Variants in ZSCAN5B observed in about 807,000 individuals in gnomAD.
The protein encoded by ZSCAN5B is zinc finger and SCAN domain-containing protein 5B.
ZSCAN5B carries 26 observed loss-of-function variants against 25.2 expected under a neutral mutation model. That is an observed-to-expected ratio of 1.03 (90% confidence interval 0.76 to 1.43). The LOEUF is 1.43. Ranked by LOEUF, ZSCAN5B falls within the 40% of genes most tolerant of loss-of-function variation. The pLI, the probability that ZSCAN5B is intolerant of heterozygous loss-of-function variation, is 0.00. For missense variants in ZSCAN5B, 745 were observed against 622.1 expected (o/e 1.20, Z -2.10); for synonymous variants, 244 against 240.9 (o/e 1.01, Z -0.12).
intron 1 of ZSCAN5B, 29 bp from the exon 2 acceptor site, chr19:56,193,208 T>A (rs981406563): frequency 9.8e-6 from 9 of 914,990 alleles, no homozygotes; most frequent in Middle Eastern, 3.4e-4. Context: ...AGCCCGATTA[T>A]TTTAACTTTC....
At chr19:56,196,190 T>C (rs2032807379) in intron 1 of ZSCAN5B, among the ~76,000 whole-genome samples, 1 of 152,062 alleles carries the variant, frequency 6.6e-6, no homozygotes, top group Non-Finnish European at 1.5e-5. Flanking sequence ...TAGCTGGGAT[T>C]ATAGGCGTGA....
chr19:56,194,538 G>A (rs369780541), intron 1 of ZSCAN5B, among the ~76,000 whole-genome samples: 15 of 152,016 alleles, frequency 9.9e-5, no homozygotes, highest in African/African-American at 3.6e-4. Context: ...CAAGCGATGC[G>A]CTTGCTTTGG....
chr19:56,191,020 G>A (rs369380934), intron 3 of ZSCAN5B, 33 bp from the exon 4 acceptor site: 64 of 1,613,740 alleles, frequency 4.0e-5, no homozygotes, highest in South Asian at 2.6e-4. Context: ...AATGACTGCC[G>A]TGTCTATACT....
chr19:56,191,879 G>T, exon 3 of ZSCAN5B: 1 of 1,613,612 alleles, frequency 6.2e-7, no homozygotes, highest in Non-Finnish European at 8.5e-7. Flanking sequence ...GCGACCCTGG[G>T]CAGGATCTGC....
At chr19:56,197,741 C>T (rs1289662910) in exon 1 of ZSCAN5B, 1 of 985,370 alleles carries the variant, frequency 1.0e-6, no homozygotes, top group Non-Finnish European at 1.2e-6. Flanking sequence ...CACCTCCTTC[C>T]CGGCTTCTGC....
At chr19:56,193,077 G>C in exon 2 of ZSCAN5B, 2 of 1,513,148 alleles carry the variant, frequency 1.3e-6, no homozygotes, top group African/African-American at 1.4e-5. Flanking sequence ...ATTTCAATCA[G>C]CCTCTGAGCA....
At chr19:56,195,319 G>C (rs142922402) in intron 1 of ZSCAN5B, among the ~76,000 whole-genome samples, 4,255 of 152,188 alleles carry the variant, frequency 0.028, 84 homozygotes, top group African/African-American at 0.052. Context: ...CCACTAGAAG[G>C]GCTTAAGGCG....
chr19:56,196,438 C>T (rs1369512201), intron 1 of ZSCAN5B, among the ~76,000 whole-genome samples: 1 of 152,066 alleles, frequency 6.6e-6, no homozygotes, highest in Non-Finnish European at 1.5e-5. Flanking sequence ...CAGCAATGTA[C>T]CGTATACTTG....
chr19:56,193,474 T>C (rs2032767142), intron 1 of ZSCAN5B, among the ~76,000 whole-genome samples: 1 of 152,240 alleles, frequency 6.6e-6, no homozygotes, highest in Non-Finnish European at 1.5e-5. Flanking sequence ...GTGAAGCTCC[T>C]AGAATCTGAT....
intron 1 of ZSCAN5B, among the ~76,000 whole-genome samples, chr19:56,194,446 G>A (rs1018199551): frequency 2.6e-5 from 4 of 151,912 alleles, no homozygotes; most frequent in Admixed American, 6.6e-5. Context: ...GCATCACCAC[G>A]CCCGGCTAAT....
intron 4 of ZSCAN5B, 104 bp from the exon 5 acceptor site, chr19:56,190,679 A>C (rs1174685560): frequency 6.4e-7 from 1 of 1,551,782 alleles, no homozygotes; most frequent in African/African-American, 1.4e-5. Context: ...ACTTCCCCTC[A>C]ACCTCAAGCC....
In ZSCAN5B at chr19:56,193,138, CCT is replaced by C; in HGVS notation, c.-88_-87del. 4.3e-6 allele frequency: 6 copies of C among 1,381,694 alleles called. No homozygotes were observed. In the South Asian group the frequency reaches 6.3e-5, roughly 14 times the overall value. 85.6% of individuals were successfully genotyped at this position (1,381,694 alleles called of 1,614,324 possible). ...TTGAGACCTATTTACACAGGCTGCC[CCT>C]GTTTCTTCTCAGTAATATATTCACA... On this transcript the variant is annotated 5_prime_UTR_variant, in exon 2 of 5. Transcript: ENST00000586855.
intron 3 of ZSCAN5B, among the ~76,000 whole-genome samples, 192 bp from the exon 4 acceptor site, chr19:56,191,179 T>C (rs934386828): frequency 6.6e-6 from 1 of 152,180 alleles, no homozygotes; most frequent in African/African-American, 2.4e-5. Context: ...CTCCTTTGCC[T>C]GGCGGTTTTC....
exon 5 of ZSCAN5B, chr19:56,189,701 A>T: frequency 8.5e-7 from 1 of 1,179,048 alleles, no homozygotes; most frequent in Non-Finnish European, 1.2e-6. Context: ...GGGGAGGATA[A>T]ATATTTATTC....
intron 2 of ZSCAN5B, 69 bp downstream of exon 2, chr19:56,192,600 A>T: frequency 6.5e-7 from 1 of 1,537,358 alleles, no homozygotes; most frequent in Non-Finnish European, 8.7e-7. Flanking sequence ...CTGATATTTG[A>T]GACTGGAGAA....
intron 1 of ZSCAN5B, among the ~76,000 whole-genome samples, chr19:56,196,871 T>C (rs1340710138): frequency 6.6e-6 from 1 of 152,206 alleles, no homozygotes; most frequent in East Asian, 1.9e-4. Flanking sequence ...CCAGGTTCCC[T>C]AAGCGCCCCT....
At chr19:56,190,175 G>C (rs1209389561) in exon 5 of ZSCAN5B, 1 of 1,614,044 alleles carries the variant, frequency 6.2e-7, no homozygotes, top group Admixed American at 1.7e-5. Flanking sequence ...GAAAGGGTCT[G>C]TCTCCTGTGT....
intron 1 of ZSCAN5B, among the ~76,000 whole-genome samples, chr19:56,193,688 C>T (rs903364511): frequency 2.0e-5 from 3 of 152,142 alleles, no homozygotes; most frequent in South Asian, 2.1e-4. Context: ...AGAGGCCGGG[C>T]GCGGTGGCCC....
At chr19:56,195,282 C>G (rs1428914733) in intron 1 of ZSCAN5B, among the ~76,000 whole-genome samples, 2 of 152,114 alleles carry the variant, frequency 1.3e-5, no homozygotes, top group Admixed American at 1.3e-4. Flanking sequence ...GCAACTCAAA[C>G]TCCTCCAGAG....
Sources: allele counts gnomAD v4.1 joint callset (sites outside exome capture counted in the v4.1 genomes callset), GRCh38; gene constraint gnomAD v4.1.1; transcripts MANE v1.5; gene names NCBI Gene and HGNC (gene_info 2026-07-23, HGNC 2026-07-21).